The following CCDC141 variants were observed in gnomAD, a reference collection of about 807,000 sequenced individuals.
The protein encoded by CCDC141 is coiled-coil domain-containing protein 141.
Under a neutral mutation model 181.0 loss-of-function variants are expected in CCDC141, and 168 were observed. That is an observed-to-expected ratio of 0.93 (90% CI 0.82 to 1.05). The LOEUF (loss-of-function observed/expected upper bound fraction) is 1.05, where lower values mean the gene tolerates loss of function less well. Ranked by LOEUF, CCDC141 falls within the 50% of genes least tolerant of loss-of-function variation. The pLI is 0.00. For missense variants in CCDC141, 1,902 were observed against 1,788.5 expected (o/e 1.06, Z -1.14); for synonymous variants, 666 against 642.3 (o/e 1.04, Z -0.56).
chr2:178,973,621 G>GACT (rs1449750788), intron 4 of CCDC141, among the ~76,000 whole-genome samples: 1 of 152,162 alleles, frequency 6.6e-6, no homozygotes, highest in Non-Finnish European at 1.5e-5. Context: ...ACAGCATTAA[G>GACT]ACTACATTCC....
intron 8 of CCDC141, among the ~76,000 whole-genome samples, chr2:178,894,913 G>A (rs2154371644): frequency 6.6e-6 from 1 of 152,270 alleles, no homozygotes; most frequent in African/African-American, 2.4e-5. Flanking sequence ...CACAGCAAGA[G>A]CTAAACAGAT....
At chr2:179,012,108 T>A (rs1008646076) in intron 2 of CCDC141, among the ~76,000 whole-genome samples, 1 of 151,654 alleles carries the variant, frequency 6.6e-6, no homozygotes, top group African/African-American at 2.4e-5. Context: ...AGAAAGGAAA[T>A]AACCAAGATC....
At chr2:178,918,678 A>C in intron 7 of CCDC141, 35 bp downstream of exon 7, 3 of 1,527,214 alleles carry the variant, frequency 2.0e-6, no homozygotes, top group Non-Finnish European at 1.8e-6. Flanking sequence ...GGTCTGCCTG[A>C]TTACCGAAAA....
chr2:178,881,148 G>A (rs1451037151), intron 11 of CCDC141, among the ~76,000 whole-genome samples: 1 of 152,120 alleles, frequency 6.6e-6, no homozygotes, highest in African/African-American at 2.4e-5. Context: ...TTAGGAGAAA[G>A]GAGAAGGAAC....
rs1345170677 is a variant in CCDC141, at chr2:178,905,412, C to T, written c.1182G>A (p.Glu394=). ...AGTCTTTAATTTTTCTGTGTAATTC[C>T]TCATGCCTCACTGCCAAAACAGCCA... ...LSLAVLAVRH[E]ELHRKIKDCT... The change falls in exon 8 of 24, where the codon GAG becomes GAA. Residue 394 remains glutamate, a synonymous_variant. Transcript: ENST00000443758. 10 of 1,550,906 alleles carry T rather than the reference C, an allele frequency of 6.4e-6. No individual in the cohort carries two copies. Among genetic ancestry groups the T allele is most frequent in the Non-Finnish European group, 8.7e-6 (10 of 1,147,014 alleles).
rs1279062289 is a variant in CCDC141, at chr2:178,853,626, T to C, written c.3061-2A>G. ...TGCATCTTCGTACCAAAAATGACAC[T>C]AAATTTAAATGGGATAAAGCACAGA... On this transcript the variant is annotated splice_acceptor_variant, in intron 19 of 23. Coordinates refer to ENST00000443758, the MANE Select transcript of CCDC141 (RefSeq NM_173648.4). LOFTEE classifies it high-confidence loss of function. 4 of 1,610,548 alleles carry C rather than the reference T, an allele frequency of 2.5e-6. No individual in the cohort carries two copies. The highest frequency in any genetic ancestry group is 2.7e-5 in the African/African-American group (2 of 74,854).
At chr2:179,003,303 C>T (rs2042034960) in intron 2 of CCDC141, among the ~76,000 whole-genome samples, 1 of 152,134 alleles carries the variant, frequency 6.6e-6, no homozygotes, top group African/African-American at 2.4e-5. Context: ...TGAAATAAAC[C>T]TCCTGTCAAA....
chr2:178,836,850 T>C (rs770483206), intron 23 of CCDC141, 44 bp downstream of exon 23: 15 of 1,563,232 alleles, frequency 9.6e-6, no homozygotes, highest in East Asian at 4.5e-5. Context: ...TTCTCTGTGA[T>C]TGAATTTGTT....
chr2:179,026,207 T>A (rs764118273), intron 2 of CCDC141, among the ~76,000 whole-genome samples: 26 of 152,076 alleles, frequency 1.7e-4, no homozygotes, highest in Non-Finnish European at 3.5e-4. Flanking sequence ...ATATCAGAGG[T>A]CTTCATTGCA....
At chr2:178,870,607 G>T (rs1052763401) in intron 14 of CCDC141, among the ~76,000 whole-genome samples, 1 of 152,196 alleles carries the variant, frequency 6.6e-6, no homozygotes, top group Non-Finnish European at 1.5e-5. Flanking sequence ...AATGGTGGGT[G>T]TGTTTCTGTG....
intron 2 of CCDC141, among the ~76,000 whole-genome samples, chr2:178,997,126 A>G (rs565819815): frequency 6.6e-6 from 1 of 152,282 alleles, no homozygotes; most frequent in African/African-American, 2.4e-5. Context: ...ACCCAAAGGC[A>G]GAATGTACCC....
chr2:178,854,915 C>T (rs1464518596), intron 19 of CCDC141, among the ~76,000 whole-genome samples: 2 of 152,070 alleles, frequency 1.3e-5, no homozygotes, highest in African/African-American at 4.8e-5. Context: ...AAAGAAAACA[C>T]CAATAACAAC....
intron 16 of CCDC141, among the ~76,000 whole-genome samples, chr2:178,867,440 A>G (rs1685902398): frequency 6.6e-6 from 1 of 152,242 alleles, no homozygotes; most frequent in Non-Finnish European, 1.5e-5. Flanking sequence ...CATGTAAGTA[A>G]TATAAAAAAT....
intron 21 of CCDC141, among the ~76,000 whole-genome samples, chr2:178,846,885 G>A (rs1684961618): frequency 6.6e-6 from 1 of 152,106 alleles, no homozygotes; most frequent in Admixed American, 6.5e-5. Flanking sequence ...CATTAGAAAG[G>A]ATTTCTATCA....
chr2:178,885,339 T>C (rs1335179676), intron 10 of CCDC141, among the ~76,000 whole-genome samples: 1 of 152,146 alleles, frequency 6.6e-6, no homozygotes, highest in Admixed American at 6.5e-5. Context: ...ATTTTCTGTG[T>C]CACAAATAAA....
chr2:178,984,556 G>A (rs972697021), intron 2 of CCDC141, among the ~76,000 whole-genome samples: 1 of 150,830 alleles, frequency 6.6e-6, no homozygotes, highest in Non-Finnish European at 1.5e-5. Context: ...TCAGTGTGCT[G>A]TATTCAGGAA....
At chr2:178,982,061 C>G (rs1479846650) in intron 2 of CCDC141, among the ~76,000 whole-genome samples, 2 of 151,956 alleles carry the variant, frequency 1.3e-5, no homozygotes, top group Admixed American at 1.3e-4. Context: ...GGACAAATTC[C>G]TTGAAAGCCA....
At chr2:179,023,754 A>T (rs2042753058) in intron 2 of CCDC141, among the ~76,000 whole-genome samples, 1 of 152,234 alleles carries the variant, frequency 6.6e-6, no homozygotes, top group African/African-American at 2.4e-5. Context: ...CATTAAAAGC[A>T]ATGCTAAATG....
In CCDC141 at chr2:179,040,640, TTTTCTG is replaced by T. The variant is rs146033594; in HGVS notation, c.225+6638_225+6643del. Among the ~76,000 whole-genome samples the T allele has an allele frequency of 4.4e-3, 671 of 152,316 alleles. 5 individuals are homozygous for T. The highest frequency in any genetic ancestry group is 0.015 in the African/African-American group (643 of 41,554). On this transcript the variant is annotated intron_variant, in intron 2 of 23. Coordinates refer to ENST00000443758, the MANE Select transcript of CCDC141 (RefSeq NM_173648.4). ...ATAAGTGAGAACACATGGTATTTGG[TTTTCTG>T]TTTCTGAGTTAGTTTGCTAAGGACA...
Sources: allele counts gnomAD v4.1 joint callset (sites outside exome capture counted in the v4.1 genomes callset), GRCh38; gene constraint gnomAD v4.1.1; transcripts MANE v1.5; gene names NCBI Gene and HGNC (gene_info 2026-07-23, HGNC 2026-07-21).